Variants in CNBD1 observed in about 807,000 individuals in gnomAD.
CNBD1 encodes the protein cyclic nucleotide binding domain containing 1.
In CNBD1, 71 loss-of-function variants were observed where a neutral mutation model predicts 54.4. The ratio of observed to expected loss-of-function variants is 1.30; its 90% CI spans 1.08 to 1.59. The LOEUF is 1.59. Ranked by LOEUF, CNBD1 falls within the 40% of genes most tolerant of loss-of-function variation. The pLI is 0.00. For synonymous variants in CNBD1, 182 were observed against 170.7 expected (o/e 1.07, Z -0.51); for missense variants, 659 against 518.0 (o/e 1.27, Z -2.64).
chr8:87,241,313 C>T (rs1807698717), intron 6 of CNBD1, among the ~76,000 whole-genome samples: 1 of 142,120 alleles, frequency 7.0e-6, no homozygotes, highest in South Asian at 2.2e-4. Context: ...CTCTGTCGCC[C>T]AGGCTGGAGT....
intron 4 of CNBD1, among the ~76,000 whole-genome samples, chr8:87,101,873 G>A (rs911613105): frequency 2.0e-4 from 31 of 151,756 alleles, no homozygotes; most frequent in Non-Finnish European, 2.8e-4. Context: ...AGGTGAAGTG[G>A]GATCAGTAGA....
chr8:87,071,056 AAC>A (rs1405583397), intron 4 of CNBD1, among the ~76,000 whole-genome samples: 1 of 152,110 alleles, frequency 6.6e-6, no homozygotes, highest in Non-Finnish European at 1.5e-5. Context: ...TGATTAAAAA[AAC>A]AGTTTTTTAA....
At chr8:87,300,359 C>T (rs900084874) in intron 8 of CNBD1, among the ~76,000 whole-genome samples, 3 of 151,770 alleles carry the variant, frequency 2.0e-5, no homozygotes, top group African/African-American at 7.3e-5. Context: ...ATATATAAAA[C>T]CCCAAAAGTC....
rs548197234 is a variant in CNBD1 at position 86,900,773 on chromosome 8, AAGTT to A, written c.159-4302_159-4299del. 1.5e-3 allele frequency among the ~76,000 whole-genome samples: 224 copies of A among 152,292 alleles called. No homozygotes were observed. The Middle Eastern group carries it at 0.017, about 12-fold the overall frequency. ...TTGATTCTCAAAGTAGGGAGAACTT[AAGTT>A]AGTTATTTCAGGGGAAGTAAACCTT... is the stretch of plus-strand genomic sequence containing the variant. On this transcript the variant is annotated intron_variant, in intron 2 of 10. Coordinates refer to ENST00000518476, the MANE Select transcript of CNBD1 (RefSeq NM_173538.3).
At chr8:87,341,403 A>T (rs1810060609) in intron 8 of CNBD1, among the ~76,000 whole-genome samples, 1 of 151,944 alleles carries the variant, frequency 6.6e-6, no homozygotes, top group Admixed American at 6.6e-5. Flanking sequence ...TTCCATCCCT[A>T]GGGGGAAACT....
intron 5 of CNBD1, among the ~76,000 whole-genome samples, chr8:87,213,743 C>A (rs1052648189): frequency 3.9e-5 from 6 of 152,172 alleles, no homozygotes; most frequent in African/African-American, 1.4e-4. Flanking sequence ...CAAAACCAAT[C>A]ATGTCTTCCC....
intron 4 of CNBD1, among the ~76,000 whole-genome samples, chr8:86,963,321 A>G (rs183039038): frequency 4.6e-5 from 7 of 152,194 alleles, no homozygotes; most frequent in Admixed American, 3.3e-4. Flanking sequence ...ATTCCCATCC[A>G]TGAAGCAGGA....
chr8:87,256,606 C>T (rs574790290), intron 6 of CNBD1, among the ~76,000 whole-genome samples: 3 of 149,284 alleles, frequency 2.0e-5, no homozygotes, highest in African/African-American at 7.4e-5. Context: ...CCTCTTGGGC[C>T]ATGAATTCTG....
chr8:87,361,134 A>G (rs1334602741), intron 10 of CNBD1, among the ~76,000 whole-genome samples: 4 of 151,890 alleles, frequency 2.6e-5, no homozygotes, highest in Non-Finnish European at 4.4e-5. Flanking sequence ...TAAAATTTTG[A>G]TATATGCAAT....
At chr8:86,950,713 A>G (rs974127513) in intron 4 of CNBD1, among the ~76,000 whole-genome samples, 2 of 152,032 alleles carry the variant, frequency 1.3e-5, no homozygotes, top group African/African-American at 4.8e-5. Flanking sequence ...TTTGAGTAGG[A>G]TTGGTACTAG....
intron 4 of CNBD1, among the ~76,000 whole-genome samples, chr8:87,084,564 T>C (rs753950586): frequency 2.0e-5 from 3 of 152,210 alleles, no homozygotes; most frequent in Non-Finnish European, 4.4e-5. Context: ...GTATGTAAAA[T>C]ATTCCTGTAT....
intron 2 of CNBD1, among the ~76,000 whole-genome samples, chr8:87,411,458 C>G (rs1807746180): frequency 1.5e-5 from 2 of 133,908 alleles, no homozygotes; most frequent in South Asian, 2.4e-4. Context: ...AAAACTCATT[C>G]TACATTATCC....
At chr8:87,013,597 A>C (rs569803640) in intron 4 of CNBD1, among the ~76,000 whole-genome samples, 1 of 151,220 alleles carries the variant, frequency 6.6e-6, no homozygotes, top group African/African-American at 2.4e-5. Context: ...GTTTGGATCT[A>C]ACAGTTTTTT....
At chr8:87,335,675 C>A (rs909502942) in intron 8 of CNBD1, among the ~76,000 whole-genome samples, 3 of 152,060 alleles carry the variant, frequency 2.0e-5, no homozygotes, top group Non-Finnish European at 4.4e-5. Context: ...CAGTCTGTGT[C>A]TTTTAATTGG....
intron 4 of CNBD1, among the ~76,000 whole-genome samples, chr8:86,962,511 C>T (rs916446835): frequency 6.6e-6 from 1 of 152,136 alleles, no homozygotes; most frequent in Non-Finnish European, 1.5e-5. Flanking sequence ...AGAGGCCGGG[C>T]ACAGTGGCTT....
chr8:87,265,426 A>T (rs1394130372), intron 6 of CNBD1, among the ~76,000 whole-genome samples: 1 of 152,138 alleles, frequency 6.6e-6, no homozygotes, highest in Non-Finnish European at 1.5e-5. Context: ...GTTTGAAGTC[A>T]GATAGCGTGA....
intron 8 of CNBD1, among the ~76,000 whole-genome samples, chr8:87,344,761 G>T (rs1024613960): frequency 6.6e-6 from 1 of 152,044 alleles, no homozygotes; most frequent in African/African-American, 2.4e-5. Context: ...TGCGTTGCAT[G>T]GTACCATCCA....
chr8:87,389,440 A>G (rs1811262764), intron 2 of CNBD1, among the ~76,000 whole-genome samples: 1 of 152,186 alleles, frequency 6.6e-6, no homozygotes, highest in Admixed American at 6.5e-5. Context: ...AATCACAAGC[A>G]TTCTTATACA....
intron 6 of CNBD1, 32 bp downstream of exon 6, chr8:87,237,144 C>T (rs758788306): frequency 7.0e-7 from 1 of 1,422,888 alleles, no homozygotes; most frequent in South Asian, 1.3e-5. Flanking sequence ...TTTCCACAAG[C>T]AACAAGGTAA....
Sources: allele counts gnomAD v4.1 joint callset (sites outside exome capture counted in the v4.1 genomes callset), GRCh38; gene constraint gnomAD v4.1.1; transcripts MANE v1.5; gene names NCBI Gene and HGNC (gene_info 2026-07-23, HGNC 2026-07-21).